Variants in TRAP1 observed in about 807,000 individuals in gnomAD.
TRAP1 encodes TNF receptor associated protein 1, also known as heat shock protein 75 kDa, mitochondrial.
In TRAP1, 102 loss-of-function variants were observed where a neutral mutation model predicts 89.1. The ratio of observed to expected loss-of-function variants is 1.15; its 90% CI spans 0.98 to 1.35. The LOEUF is 1.35. Ranked by LOEUF, TRAP1 falls within the 40% of genes most tolerant of loss-of-function variation. The pLI, the probability that TRAP1 is intolerant of heterozygous loss-of-function variation, is 0.00. For missense variants in TRAP1, 1,256 were observed against 945.3 expected (o/e 1.33, Z -4.31); for synonymous variants, 508 against 388.0 (o/e 1.31, Z -3.64).
intron 1 of TRAP1, among the ~76,000 whole-genome samples, chr16:3,706,456 CTTTTTTTTTT>C (rs34658116): frequency 1.0e-5 from 1 of 98,974 alleles, no homozygotes; most frequent in African/African-American, 4.0e-5. Context: ...TATTTGCACT[CTTTTTTTTTT>C]TTTTTTTTTT....
chr16:3,670,939 C>T (rs1040346937), intron 11 of TRAP1, among the ~76,000 whole-genome samples: 1 of 152,078 alleles, frequency 6.6e-6, no homozygotes, highest in Non-Finnish European at 1.5e-5. Flanking sequence ...GTGGGCCTCT[C>T]GCCATGCCCA....
At chr16:3,658,427 C>A (rs573624964) in intron 17 of TRAP1, 197 bp from the exon 18 acceptor site, 8 of 603,868 alleles carry the variant, frequency 1.3e-5, no homozygotes, top group South Asian at 8.2e-5. Flanking sequence ...GCCATTTTTC[C>A]GTTTTTAAAA....
At position 3,658,193 on chromosome 16, in the gene TRAP1, TCAA is replaced by T; in HGVS notation, c.2048_2050del (p.Val683del). On this transcript the variant is annotated inframe_deletion, in exon 18 of 18. Coordinates refer to ENST00000246957, the MANE Select transcript of TRAP1 (RefSeq NM_016292.3). ...GCGGCCCACCATGGCCCTAGGGTCG[TCAA>T]CAAGTCCAGCAGCAATCATGGCGTT... 1 of 1,613,794 alleles carries T rather than the reference TCAA, an allele frequency of 6.2e-7. No individual in the cohort carries two copies. Among genetic ancestry groups the T allele is most frequent in the Non-Finnish European group, 8.5e-7 (1 of 1,179,974 alleles).
In TRAP1 at chr16:3,674,495, C is replaced by T; in HGVS notation, c.889-1G>A. ...CCTTGGGGTCCATCATCCAGATGGC[C>T]TGGAAACGGAGATCGGCGGGGAGGG... On this transcript the variant is annotated splice_acceptor_variant, in intron 8 of 17. Coordinates refer to ENST00000246957, the MANE Select transcript of TRAP1 (RefSeq NM_016292.3). LOFTEE classifies it high-confidence loss of function. The T allele has an allele frequency of 1.2e-6, 2 of 1,613,778 alleles. No homozygotes were observed. Among genetic ancestry groups the T allele is most frequent in the African/African-American group, 1.3e-5 (1 of 75,058 alleles).
intron 15 of TRAP1, chr16:3,662,356 G>A: frequency 1.6e-6 from 1 of 617,962 alleles, no homozygotes. Flanking sequence ...CCACCCTGGT[G>A]CCCCGCTGCT....
chr16:3,689,268 G>A (rs796999563), intron 2 of TRAP1, 131 bp from the exon 3 acceptor site: 13 of 667,274 alleles, frequency 1.9e-5, no homozygotes, highest in Admixed American at 9.8e-5. Context: ...TTTTTGAGAC[G>A]GAGTCTCGCT....
intron 1 of TRAP1, among the ~76,000 whole-genome samples, chr16:3,701,900 C>A (rs946946086): frequency 1.3e-5 from 2 of 152,136 alleles, no homozygotes; most frequent in African/African-American, 4.8e-5. Context: ...TTATTCAAAA[C>A]AGATATTAAA....
chr16:3,680,576 C>T (rs548429890), intron 4 of TRAP1, among the ~76,000 whole-genome samples: 44 of 152,362 alleles, frequency 2.9e-4, no homozygotes, highest in African/African-American at 1.1e-3. Flanking sequence ...ACAGCGGGCA[C>T]AGACGCCTCT....
At position 3,662,115 on chromosome 16, in the gene TRAP1, G is replaced by A. The variant is rs1178539117; in HGVS notation, c.1812C>T (p.Asp604=). 6.2e-7 allele frequency: 1 copy of A among 1,612,558 alleles called. No homozygotes were observed. Among genetic ancestry groups the A allele is most frequent in the African/African-American group, 1.3e-5 (1 of 74,920 alleles). ...VTNVKVTLRL[D]THPAMVTVLE... is the part of the protein sequence containing the mutation. ...GCACGGTGACCATGGCAGGGTGGGT[G>A]TCCAGTCGGAGGGTCACCTGTGAGC... Residue 604 remains aspartate (D), a synonymous_variant, in exon 16 of 18, where the codon GAC becomes GAT. Transcript: ENST00000246957.
chr16:3,677,582 G>C lies in TRAP1; in HGVS notation c.620C>G (p.Ser207Ter). ...CACTCTGTCAGCCACCATGAAAGCT[G>C]AGTAGAAACCCACTCCAAACTGGCC... ...IIGQFGVGFY[S>*]AFMVADRVEV... The change falls in exon 6 of 18, where the codon TCA (serine) becomes TGA (stop). Residue 207 changes from serine to a stop codon, truncating the protein, a stop_gained. Coordinates refer to ENST00000246957, the MANE Select transcript of TRAP1 (RefSeq NM_016292.3). LOFTEE classifies it high-confidence loss of function. The C allele has an allele frequency of 6.2e-7, 1 of 1,614,168 alleles. No individual in the cohort carries two copies. Among genetic ancestry groups the C allele is most frequent in the East Asian group, 2.2e-5 (1 of 44,878 alleles).
intron 1 of TRAP1, among the ~76,000 whole-genome samples, chr16:3,715,441 AAAAAAG>A (rs1223571996): frequency 4.6e-5 from 7 of 152,322 alleles, no homozygotes; most frequent in South Asian, 4.1e-4. Flanking sequence ...CCATCTCAAA[AAAAAAG>A]AAAAAGAAAA....
At chr16:3,674,835 G>A (rs562684918) in intron 8 of TRAP1, 100 of 369,278 alleles carry the variant, frequency 2.7e-4, no homozygotes, top group Non-Finnish European at 4.0e-4. Flanking sequence ...ACGCTGCACC[G>A]CAGCTGAGCC....
At position 3,671,630 on chromosome 16, in the gene TRAP1, T is replaced by A. The variant is rs114467413; in HGVS notation, c.1235+92A>T. On this transcript the variant is annotated intron_variant, in intron 11 of 17. Coordinates refer to ENST00000246957, the MANE Select transcript of TRAP1 (RefSeq NM_016292.3). ...TTCCCCGACCACCTCTGCTCTCAGC[T>A]CCATGGGCCACGGCTAGGGCCCTCT... 1,315 of 1,413,090 alleles carry A rather than the reference T, an allele frequency of 9.3e-4. 16 individuals carry two copies. The African/African-American group carries it at 0.015, about 17-fold the overall frequency. The allele number at this position is 1,413,090 out of a possible 1,614,324, so 87.5% of individuals were successfully genotyped here. A position where few individuals can be genotyped will look rare whatever the true frequency, so the allele number is the denominator to read the frequency against.
At chr16:3,714,531 C>A (rs1047521260) in intron 1 of TRAP1, among the ~76,000 whole-genome samples, 1 of 152,130 alleles carries the variant, frequency 6.6e-6, no homozygotes, top group Non-Finnish European at 1.5e-5. Context: ...TGGTGGCATG[C>A]GCCTGTAGTC....
At chr16:3,673,607 C>G (rs1362008818) in intron 9 of TRAP1, among the ~76,000 whole-genome samples, 1 of 152,134 alleles carries the variant, frequency 6.6e-6, no homozygotes, top group East Asian at 1.9e-4. Context: ...TGGGCTCCCA[C>G]GCAGGAGCCC....
At chr16:3,679,679 T>C in intron 5 of TRAP1, 40 bp downstream of exon 5, 1 of 1,610,288 alleles carries the variant, frequency 6.2e-7, no homozygotes, top group Non-Finnish European at 8.5e-7. Context: ...CCTTGCACCC[T>C]GAGGGGAAGG....
At chr16:3,672,288 G>A (rs1019029401) in intron 10 of TRAP1, among the ~76,000 whole-genome samples, 2 of 152,082 alleles carry the variant, frequency 1.3e-5, no homozygotes, top group African/African-American at 2.4e-5. Context: ...TTGCACCACC[G>A]CACTCCAGCC....
intron 1 of TRAP1, among the ~76,000 whole-genome samples, chr16:3,702,014 G>A (rs945120523): frequency 3.3e-5 from 5 of 152,096 alleles, no homozygotes; most frequent in Non-Finnish European, 7.4e-5. Context: ...TTCGAGACCA[G>A]CGTGGCCAAC....
At chr16:3,674,112 G>A (rs796853738) in intron 9 of TRAP1, among the ~76,000 whole-genome samples, 5 of 152,154 alleles carry the variant, frequency 3.3e-5, no homozygotes, top group South Asian at 2.1e-4. Flanking sequence ...TCAGAGATGG[G>A]GTCTCACTAT....
Sources: gnomAD v4.1 joint callset for allele counts (sites outside exome capture counted in the v4.1 genomes callset) on GRCh38, gnomAD v4.1.1 for gene constraint, MANE v1.5 for transcripts, NCBI Gene and HGNC (gene_info 2026-07-23, HGNC 2026-07-21) for gene names.